Variants in PLEKHG5 observed in about 807,000 individuals in gnomAD.
PLEKHG5 encodes the protein pleckstrin homology and RhoGEF domain containing G5.
Under a neutral mutation model 103.8 loss-of-function variants are expected in PLEKHG5, and 52 were observed. The ratio of observed to expected loss-of-function variants is 0.50; its 90% CI spans 0.40 to 0.63. PLEKHG5 has a LOEUF of 0.63. Among genes scored for constraint, PLEKHG5 ranks in the 30% least tolerant of loss-of-function variants. The pLI is 0.00. For missense variants in PLEKHG5, 1,205 were observed against 1,347.6 expected, an observed-to-expected ratio of 0.89 and a Z score of 1.66; for synonymous variants, 592 against 575.5, an observed-to-expected ratio of 1.03 and a Z score of -0.41.
chr1:6,502,400 C>T (rs944239720), intron 1 of PLEKHG5, among the ~76,000 whole-genome samples: 4 of 152,246 alleles, frequency 2.6e-5, no homozygotes, highest in African/African-American at 7.2e-5. Flanking sequence ...CCACCGCTGG[C>T]GTAGTCCCCG....
chr1:6,474,720 C>G, intron 5 of PLEKHG5, 133 bp from the exon 6 acceptor site: 1 of 909,772 alleles, frequency 1.1e-6, no homozygotes, highest in Non-Finnish European at 1.7e-6. Context: ...AAGGGAAGCC[C>G]GCATGGGATC....
rs892024987 is a variant in PLEKHG5 at position 6,470,499 on chromosome 1, C to G, written c.1680+7G>C. Reference sequence around the variant, plus strand: ...AGCCGGCAACCCCCGCAGACACACACGCCCACCTTGTCCACTTCGTCGCTG... The same window carrying G: ...AGCCGGCAACCCCCGCAGACACACAGGCCCACCTTGTCCACTTCGTCGCTG... On this transcript the variant is annotated splice_region_variant and intron_variant, in intron 15 of 20. Coordinates refer to ENST00000377728, the MANE Select transcript of PLEKHG5 (RefSeq NM_020631.6). 6.2e-7 allele frequency: 1 copy of G among 1,610,550 alleles called. No individual in the cohort carries two copies. The highest frequency in any genetic ancestry group is 1.3e-5 in the African/African-American group (1 of 74,924).
chr1:6,480,268 C>T (rs947672008), intron 1 of PLEKHG5, among the ~76,000 whole-genome samples: 13 of 152,052 alleles, frequency 8.5e-5, no homozygotes, highest in African/African-American at 3.1e-4. Flanking sequence ...GTGGCTCATG[C>T]CTGTAATCCT....
At chr1:6,519,406 ACCT>A (rs1446533259) in intron 1 of PLEKHG5, 1 of 1,529,838 alleles carries the variant, frequency 6.5e-7, no homozygotes, top group Non-Finnish European at 9.1e-7. Context: ...GTGTCCTCAA[ACCT>A]CCTTTCTAGA....
Position 6,473,084 on chromosome 1 carries a change from G to T in PLEKHG5, c.886C>A (p.His296Asn). 1 of 1,613,910 alleles carries T rather than the reference G, an allele frequency of 6.2e-7. No homozygotes were observed. The highest frequency in any genetic ancestry group is 1.3e-5 in the African/African-American group (1 of 75,056). ...PRLPRGLRFDHDSWEEEYDED... is the reference protein window; with the variant it reads ...PRLPRGLRFDNDSWEEEYDED... ...TCGTACTCCTCCTCCCAGGAGTCAT[G>T]GTCGAAGCGCAGCCCCCGGGGCAGC... is the stretch of plus-strand genomic sequence containing the variant. The change falls in exon 9 of 21, where the codon CAT becomes AAT. Residue 296 changes from histidine to asparagine, a missense_variant. Physicochemically the swap from His to Asn is moderately conservative, Grantham distance 68 (BLOSUM62 1). Coordinates refer to ENST00000377728, the MANE Select transcript of PLEKHG5 (RefSeq NM_020631.6).
At chr1:6,500,589 C>A (rs1333623328), upstream of PLEKHG5, among the ~76,000 whole-genome samples, 1 of 147,368 alleles carries the variant, frequency 6.8e-6, no homozygotes, top group Admixed American at 6.8e-5. Context: ...CTTGAACTCC[C>A]CCCTCCCCTA....
intron 3 of PLEKHG5, 113 bp downstream of exon 3, chr1:6,475,818 G>T (rs1161963664): frequency 5.3e-6 from 5 of 941,660 alleles, no homozygotes; most frequent in Non-Finnish European, 8.7e-6. Flanking sequence ...GAAGAGGTCT[G>T]CCCATCAGCC....
chr1:6,474,117 C>G lies in PLEKHG5; in HGVS notation c.487G>C (p.Asp163His). ...ATCGGCAAACTCAGGGACTTGGAGT[C>G]CTTCATGCCCTGCTCCACCTTGCCC... is the stretch of plus-strand genomic sequence containing the variant. ...DEGKVEQGMK[D>H]SKSLSLPILR... The change falls in exon 7 of 21, where the codon GAC becomes CAC. Residue 163 changes from aspartate (D) to histidine (H), a missense_variant. Transcript: ENST00000377728. The G allele has an allele frequency of 3.1e-6, 5 of 1,613,568 alleles. No homozygotes were observed. The highest frequency in any genetic ancestry group is 4.2e-6 in the Non-Finnish European group (5 of 1,179,968).
intron 5 of PLEKHG5, 58 bp downstream of exon 5, chr1:6,474,989 A>G: frequency 9.5e-7 from 1 of 1,052,424 alleles, no homozygotes; most frequent in South Asian, 1.3e-5. Context: ...GGAGCCTGCA[A>G]CATGGGGCCA....
At chr1:6,494,473 AG>A (rs1361082673), upstream of PLEKHG5, among the ~76,000 whole-genome samples, 2 of 151,894 alleles carry the variant, frequency 1.3e-5, no homozygotes, top group African/African-American at 4.8e-5. Context: ...TATATTGCCC[AG>A]GTTGGCCTCA....
At chr1:6,497,038 C>A, upstream of PLEKHG5, 1 of 1,512,038 alleles carries the variant, frequency 6.6e-7, no homozygotes, top group Non-Finnish European at 8.8e-7. This position sits in a 1 kb window ranked among gnomAD's most constrained non-coding sequence, Gnocchi z 6.1. Context: ...TCATCTTTGA[C>A]CCTGAATTTG....
At chr1:6,516,887 C>CAT (rs1371599374) in intron 1 of PLEKHG5, among the ~76,000 whole-genome samples, 1 of 14,542 alleles carries the variant, frequency 6.9e-5, no homozygotes, top group Non-Finnish European at 4.4e-4. Context: ...TATATATATA[C>CAT]ACATATATAT....
chr1:6,471,738 GC>G lies in PLEKHG5; in HGVS notation c.1131+19del. On this transcript the variant is annotated intron_variant, in intron 11 of 20. Transcript: ENST00000377728. ...CCTTCCTGGTACCTCACCCGCCGCC[GC>G]CCCCGAATCCCAGCGCACCTCACAC... 1.2e-6 allele frequency: 2 copies of G among 1,603,004 alleles called. No individual in the cohort carries two copies. Among genetic ancestry groups the G allele is most frequent in the Admixed American group, 1.7e-5 (1 of 59,064 alleles).
chr1:6,474,227 T>C lies in PLEKHG5; in HGVS notation c.440-63A>G, dbSNP rs1644689213. The C allele has an allele frequency of 1.9e-6, 3 of 1,585,210 alleles. No homozygotes were observed. The South Asian group carries it at 3.4e-5, about 18-fold the overall frequency. On this transcript the variant is annotated intron_variant, in intron 6 of 20. Transcript: ENST00000377728. The stretch of plus-strand genomic sequence containing the variant: ...GTCTGGTGGAGGAGGGGGTCCCCGG[T>C]CCTCTCTCCCCGGAGGATCCACACC...
chr1:6,509,468 C>T (rs553799581), intron 1 of PLEKHG5, among the ~76,000 whole-genome samples: 44 of 152,340 alleles, frequency 2.9e-4, no homozygotes, highest in African/African-American at 1.1e-3. Flanking sequence ...CCCGCAAGGT[C>T]TCGCTGAGTA....
rs370710791 is a variant in PLEKHG5, at chr1:6,470,717, G to A, written c.1542+18C>T. The A allele has an allele frequency of 3.4e-5, 53 of 1,551,870 alleles. No homozygotes were observed. The highest frequency in any genetic ancestry group is 4.4e-5 in the Non-Finnish European group (51 of 1,150,964). On this transcript the variant is annotated intron_variant, in intron 14 of 20. Coordinates refer to ENST00000377728, the MANE Select transcript of PLEKHG5 (RefSeq NM_020631.6). ...GAGCCGCGCAGGGGGGACGGCTCCC[G>A]CTGGCCATCAGGGTTACCATGGCGA...
upstream of PLEKHG5, among the ~76,000 whole-genome samples, chr1:6,495,413 C>T (rs913373771): frequency 1.6e-4 from 24 of 151,582 alleles, no homozygotes; most frequent in African/African-American, 5.8e-4. Flanking sequence ...GGTGGAGGTG[C>T]GGGAGGGGAG....
chr1:6,483,675 T>A (rs1204897213), intron 1 of PLEKHG5, among the ~76,000 whole-genome samples: 1 of 152,026 alleles, frequency 6.6e-6, no homozygotes, highest in Non-Finnish European at 1.5e-5. Flanking sequence ...AGAAAAAAAT[T>A]TAAAAACTAC....
chr1:6,493,645 GTTATTA>G (rs369581499), upstream of PLEKHG5, among the ~76,000 whole-genome samples: 779 of 152,126 alleles, frequency 5.1e-3, 6 homozygotes, highest in African/African-American at 0.018. Context: ...AGCAATAATT[GTTATTA>G]TTATTATTAT....
Sources: allele counts gnomAD v4.1 joint callset (sites outside exome capture counted in the v4.1 genomes callset), GRCh38; gene constraint gnomAD v4.1.1; non-coding constraint Gnocchi (gnomAD v3.1); transcripts MANE v1.5; gene names NCBI Gene and HGNC (gene_info 2026-07-23, HGNC 2026-07-21).